CLDN2: variants seen among roughly 807,000 people sequenced by gnomAD.
CLDN2 encodes claudin 2.
CLDN2 carries 1 observed loss-of-function variant against 8.2 expected under a neutral mutation model. The ratio of observed to expected loss-of-function variants is 0.12; its 90% confidence interval spans 0.04 to 0.58. The LOEUF is 0.58. Among genes scored for constraint, CLDN2 ranks in the 20% least tolerant of loss-of-function variants. The probability of loss-of-function intolerance (pLI) is 0.90; values close to 1 mark genes in which losing one functional copy is unlikely to be tolerated. For synonymous variants in CLDN2, 70 were observed against 70.2 expected (o/e 1.00, Z 0.01); for missense variants, 108 against 172.9 (o/e 0.62, Z 2.11).
At chrX:106,924,301 C>T (rs1453302369) in intron 1 of CLDN2, among the ~76,000 whole-genome samples, 1 of 110,175 alleles carries the variant, frequency 9.1e-6, no homozygotes, top group Admixed American at 9.7e-5. Flanking sequence ...GAGTAGGGAG[C>T]TCAAAAAGTA....
chrX:106,904,575 A>G (rs1933154154), intron 1 of CLDN2, among the ~76,000 whole-genome samples: 1 of 111,425 alleles, frequency 9.0e-6, no homozygotes, highest in African/African-American at 3.3e-5. Flanking sequence ...CAGAAAATGG[A>G]AAAAAAAATC....
At chrX:106,916,947 G>A (rs1190142631), upstream of CLDN2, among the ~76,000 whole-genome samples, 2 of 112,034 alleles carry the variant, frequency 1.8e-5, no homozygotes, top group Non-Finnish European at 3.8e-5. Flanking sequence ...CTACTTGGAA[G>A]GCTAAGGCAG....
Position 106,930,294 on chromosome X carries a change from G to A in CLDN2, c.*1373G>A, listed in dbSNP as rs1933534152. ...CTGGGATTGCAGCTGAGGTGGGAGTGGAGAATGGTTCCCAGGAAGACAGTT... is the reference window on the plus strand; with the variant it reads ...CTGGGATTGCAGCTGAGGTGGGAGTAGAGAATGGTTCCCAGGAAGACAGTT... On this transcript the variant is annotated 3_prime_UTR_variant, in exon 2 of 2. Coordinates refer to ENST00000336803, the MANE Select transcript of CLDN2 (RefSeq NM_020384.4). 8.2e-6 allele frequency: 1 copy of A among 122,679 alleles called. No homozygotes were observed. The highest frequency in any genetic ancestry group is 2.8e-4 in the East Asian group (1 of 3,530). 10.1% of individuals were successfully genotyped at this position (122,679 alleles called of 1,213,427 possible).
chrX:106,914,523 G>C (rs1175071715), upstream of CLDN2, among the ~76,000 whole-genome samples: 1 of 111,553 alleles, frequency 9.0e-6, no homozygotes, highest in Non-Finnish European at 1.9e-5. Flanking sequence ...TGCAACAGCT[G>C]GAGTGCAAGA....
chrX:106,919,040 A>G (rs940832813), upstream of CLDN2, among the ~76,000 whole-genome samples: 2 of 112,532 alleles, frequency 1.8e-5, no homozygotes, highest in Admixed American at 9.4e-5. Context: ...CAAAACGTCT[A>G]GTAGTTTACG....
At chrX:106,905,070 G>T (rs746359596) in intron 1 of CLDN2, among the ~76,000 whole-genome samples, 172 of 112,385 alleles carry the variant, frequency 1.5e-3, no homozygotes, top group Non-Finnish European at 2.9e-3. Flanking sequence ...AACCAACAAA[G>T]AAATGTTTAT....
intron 1 of CLDN2, 39 bp from the exon 2 acceptor site, chrX:106,928,012 T>C: frequency 2.9e-6 from 1 of 344,292 alleles, no homozygotes; most frequent in East Asian, 4.2e-5. Context: ...CTCATAAGCT[T>C]CTGGTCAATA....
intron 1 of CLDN2, among the ~76,000 whole-genome samples, chrX:106,924,303 C>G (rs910540466): frequency 1.8e-5 from 2 of 110,065 alleles, no homozygotes; most frequent in Non-Finnish European, 3.8e-5. Context: ...GTAGGGAGCT[C>G]AAAAAGTAGT....
intron 1 of CLDN2, among the ~76,000 whole-genome samples, chrX:106,923,227 C>A (rs1164113047): frequency 8.9e-6 from 1 of 112,488 alleles, no homozygotes; most frequent in African/African-American, 3.2e-5. Flanking sequence ...CCCGCCTCGG[C>A]CTCCCAAAGT....
intron 1 of CLDN2, chrX:106,900,792 T>C: frequency 8.3e-7 from 1 of 1,211,272 alleles, no homozygotes; most frequent in Non-Finnish European, 1.1e-6. Flanking sequence ...TTCCTCTTCT[T>C]CTTCGCTGTC....
upstream of CLDN2, among the ~76,000 whole-genome samples, chrX:106,916,986 G>T (rs1421054365): frequency 1.8e-5 from 2 of 112,257 alleles, no homozygotes; most frequent in Non-Finnish European, 3.8e-5. Flanking sequence ...GGAGTTCAAG[G>T]TTATTGTGAG....
intron 1 of CLDN2, among the ~76,000 whole-genome samples, chrX:106,921,633 C>A (rs919075164): frequency 8.9e-6 from 1 of 112,075 alleles, no homozygotes; most frequent in Non-Finnish European, 1.9e-5. Flanking sequence ...GCACAAGACT[C>A]TTGGAGCAAG....
chrX:106,902,033 C>A, intron 1 of CLDN2: 1 of 595,445 alleles, frequency 1.7e-6, no homozygotes, highest in South Asian at 3.0e-5. Context: ...GATGCTATCT[C>A]AGATCTGCAC....
upstream of CLDN2, among the ~76,000 whole-genome samples, chrX:106,915,483 T>C (rs1406821369): frequency 1.8e-5 from 2 of 112,388 alleles, no homozygotes; most frequent in Non-Finnish European, 3.8e-5. Flanking sequence ...CACCTCTTAT[T>C]TTACAAAAGA....
Position 106,929,009 on chromosome X carries a change from C to G in CLDN2, c.*88C>G, listed in dbSNP as rs760647123. ...GGGCCACAGGTGAGGGACACTACCA[C>G]TGGATCGTGTCAGAAGGTGCTGCTG... is the stretch of plus-strand genomic sequence containing the variant. On this transcript the variant is annotated 3_prime_UTR_variant, in exon 2 of 2. Coordinates refer to ENST00000336803, the MANE Select transcript of CLDN2 (RefSeq NM_020384.4). 3 of 797,762 alleles carry G rather than the reference C, an allele frequency of 3.8e-6. No homozygotes were observed. The highest frequency in any genetic ancestry group is 5.5e-6 in the Non-Finnish European group (3 of 546,952). 65.7% of individuals were successfully genotyped at this position (797,762 alleles called of 1,213,427 possible).
upstream of CLDN2, among the ~76,000 whole-genome samples, chrX:106,915,401 A>T (rs1933299725): frequency 8.9e-6 from 1 of 112,295 alleles, no homozygotes; most frequent in African/African-American, 3.2e-5. Flanking sequence ...AAAATTTTTT[A>T]AAATGAGGGA....
chrX:106,909,557 G>T (rs950914288), intron 1 of CLDN2, among the ~76,000 whole-genome samples: 2 of 112,318 alleles, frequency 1.8e-5, no homozygotes, highest in Non-Finnish European at 3.8e-5. Flanking sequence ...GGGGTTGAGG[G>T]CAGGAGGCCT....
chrX:106,909,839 C>T (rs1391577203), intron 1 of CLDN2, among the ~76,000 whole-genome samples: 1 of 111,935 alleles, frequency 8.9e-6, no homozygotes, highest in African/African-American at 3.2e-5. Context: ...GCTTGGTCCA[C>T]CATTTGAGCC....
upstream of CLDN2, among the ~76,000 whole-genome samples, chrX:106,916,158 G>T (rs547976829): frequency 1.8e-4 from 20 of 110,978 alleles, 1 homozygote; most frequent in African/African-American, 6.2e-4. Flanking sequence ...ACAATTGGTG[G>T]GGGGATAACA....
Sources: gnomAD v4.1 joint callset for allele counts (sites outside exome capture counted in the v4.1 genomes callset) on GRCh38, gnomAD v4.1.1 for gene constraint, MANE v1.5 for transcripts, NCBI Gene and HGNC (gene_info 2026-07-23, HGNC 2026-07-21) for gene names.